KHDRBS2: variants seen among roughly 807,000 people sequenced by gnomAD.
KHDRBS2 encodes KH domain-containing, RNA-binding, signal transduction-associated protein 2.
KHDRBS2 carries 26 observed loss-of-function variants against 44.3 expected under a neutral mutation model. The ratio of observed to expected loss-of-function variants is 0.59; its 90% CI spans 0.43 to 0.81. The LOEUF is 0.81. Ranked by LOEUF, KHDRBS2 falls within the 40% of genes least tolerant of loss-of-function variation. The pLI, the probability that KHDRBS2 is intolerant of heterozygous loss-of-function variation, is 0.00. For synonymous variants in KHDRBS2, 194 were observed against 151.1 expected, an observed-to-expected ratio of 1.28 and a Z score of -2.08; for missense variants, 476 against 433.1, an observed-to-expected ratio of 1.10 and a Z score of -0.88.
chr6:61,916,041 G>A (rs908562198), intron 4 of KHDRBS2, among the ~76,000 whole-genome samples: 4 of 151,898 alleles, frequency 2.6e-5, no homozygotes, highest in African/African-American at 9.7e-5. Flanking sequence ...TTTTGTAATG[G>A]TCAAAAACAT....
At chr6:61,608,357 C>A in the KHDRBS2 span, among the ~76,000 whole-genome samples, 1 of 149,782 alleles carries the variant, frequency 6.7e-6, no homozygotes, top group East Asian at 2.0e-4. Context: ...TGTGTGTACA[C>A]CTGTAAAGGG....
At chr6:62,260,961 TC>T (rs1838238420) in intron 1 of KHDRBS2, among the ~76,000 whole-genome samples, 2 of 152,098 alleles carry the variant, frequency 1.3e-5, no homozygotes, top group South Asian at 4.1e-4. Context: ...TTCAGGGATA[TC>T]TGAGATATTT....
At chr6:61,788,909 A>G (rs1202174286) in intron 6 of KHDRBS2, among the ~76,000 whole-genome samples, 2 of 151,348 alleles carry the variant, frequency 1.3e-5, no homozygotes, top group Non-Finnish European at 3.0e-5. Context: ...ATACATATAA[A>G]AATAGTGAAG....
chr6:61,720,880 T>C (rs1772363995), intron 7 of KHDRBS2, among the ~76,000 whole-genome samples: 1 of 151,150 alleles, frequency 6.6e-6, no homozygotes, highest in African/African-American at 2.4e-5. Context: ...TGGTAATGCC[T>C]AGGTTTTCTT....
intron 1 of KHDRBS2, among the ~76,000 whole-genome samples, chr6:62,271,907 A>T (rs550526959): frequency 2.0e-4 from 31 of 152,266 alleles, no homozygotes; most frequent in Non-Finnish European, 4.0e-4. Context: ...TAAAAAATAA[A>T]TGTAGTGCAG....
At chr6:62,157,908 G>A (rs1051829757) in intron 2 of KHDRBS2, among the ~76,000 whole-genome samples, 1 of 152,144 alleles carries the variant, frequency 6.6e-6, no homozygotes, top group Non-Finnish European at 1.5e-5. Context: ...ATTTTCAAAT[G>A]TCTATGTGAG....
chr6:61,969,439 G>A (rs1259213674), intron 4 of KHDRBS2, among the ~76,000 whole-genome samples: 1 of 152,020 alleles, frequency 6.6e-6, no homozygotes, highest in African/African-American at 2.4e-5. Context: ...CTAAAAAGAT[G>A]TCTGTACTTT....
At chr6:62,187,045 C>T (rs1204495882) in intron 1 of KHDRBS2, among the ~76,000 whole-genome samples, 2 of 152,082 alleles carry the variant, frequency 1.3e-5, no homozygotes, top group African/African-American at 4.8e-5. Flanking sequence ...AGTAGCAGAT[C>T]TTACATTGAT....
intron 6 of KHDRBS2, among the ~76,000 whole-genome samples, chr6:61,764,972 T>G (rs1387287386): frequency 6.6e-6 from 1 of 152,080 alleles, no homozygotes; most frequent in African/African-American, 2.4e-5. Context: ...TAAATTAAAT[T>G]TTCAAAAAAT....
chr6:61,555,553 G>T, the KHDRBS2 span, among the ~76,000 whole-genome samples: 1 of 152,172 alleles, frequency 6.6e-6, no homozygotes, highest in East Asian at 1.9e-4. Context: ...TGGGGAACTT[G>T]TGTGGTCATT....
chr6:61,557,922 G>A, the KHDRBS2 span, among the ~76,000 whole-genome samples: 3 of 152,030 alleles, frequency 2.0e-5, no homozygotes, highest in Admixed American at 2.0e-4. Flanking sequence ...CCAGTTTATT[G>A]TCATACAGTT....
chr6:62,062,771 C>T (rs1028726424), intron 2 of KHDRBS2, among the ~76,000 whole-genome samples: 61 of 146,762 alleles, frequency 4.2e-4, no homozygotes, highest in African/African-American at 1.4e-3. Context: ...CAAGAAATAA[C>T]GAAAATCAGA....
At chr6:62,090,421 G>A (rs1324494521) in intron 2 of KHDRBS2, among the ~76,000 whole-genome samples, 1 of 152,130 alleles carries the variant, frequency 6.6e-6, no homozygotes, top group African/African-American at 2.4e-5. Context: ...GGCATTGTAA[G>A]TGCATTACAT....
chr6:61,935,201 G>A (rs972947648), intron 4 of KHDRBS2, among the ~76,000 whole-genome samples: 5 of 152,172 alleles, frequency 3.3e-5, no homozygotes, highest in Non-Finnish European at 7.4e-5. Flanking sequence ...GAGGGCATGA[G>A]GTAGTAAATG....
chr6:62,080,108 TATAA>T (rs2127353864), intron 2 of KHDRBS2, among the ~76,000 whole-genome samples: 1 of 152,230 alleles, frequency 6.6e-6, no homozygotes, highest in South Asian at 2.1e-4. Flanking sequence ...TTTATGACTC[TATAA>T]ATAGATTCTC....
intron 3 of KHDRBS2, among the ~76,000 whole-genome samples, chr6:62,037,340 T>A (rs1785493700): frequency 6.6e-6 from 1 of 151,770 alleles, no homozygotes; most frequent in Admixed American, 6.6e-5. Context: ...GTGAATCTGA[T>A]ATTGACGGTG....
At chr6:61,647,437 T>A in the KHDRBS2 span, among the ~76,000 whole-genome samples, 4 of 152,280 alleles carry the variant, frequency 2.6e-5, no homozygotes, top group African/African-American at 7.2e-5. Flanking sequence ...TAATTATCTA[T>A]AATTGTAGAT....
the KHDRBS2 span, among the ~76,000 whole-genome samples, chr6:61,594,876 C>A: frequency 2.0e-4 from 30 of 151,936 alleles, no homozygotes; most frequent in Non-Finnish European, 3.8e-4. Flanking sequence ...AAATACTTGA[C>A]CAAAATAGGA....
chr6:61,968,598 T>G (rs770000287), intron 4 of KHDRBS2, among the ~76,000 whole-genome samples: 2 of 152,002 alleles, frequency 1.3e-5, no homozygotes, highest in Non-Finnish European at 2.9e-5. Context: ...AAGTCCAGAG[T>G]TGTCTATGTA....
Sources: allele counts gnomAD v4.1 joint callset (sites outside exome capture counted in the v4.1 genomes callset), GRCh38; gene constraint gnomAD v4.1.1; transcripts MANE v1.5; gene names NCBI Gene and HGNC (gene_info 2026-07-23, HGNC 2026-07-21).